Variants in P3H2 observed in about 807,000 individuals in gnomAD.
P3H2 encodes the protein leprecan-like 1.
A neutral mutation model predicts 87.0 loss-of-function variants in P3H2; 80 were observed. The observed-to-expected ratio is 0.92, with a 90% CI of 0.77 to 1.11. The LOEUF is 1.11. Ranked by LOEUF, P3H2 falls within the 50% of genes least tolerant of loss-of-function variation. The pLI is 0.00. For synonymous variants in P3H2, 367 were observed against 359.3 expected, an observed-to-expected ratio of 1.02 and a Z score of -0.24; for missense variants, 1,001 against 923.9, an observed-to-expected ratio of 1.08 and a Z score of -1.08.
chr3:190,027,021 G>A (rs1299175403), intron 1 of P3H2, among the ~76,000 whole-genome samples: 1 of 152,142 alleles, frequency 6.6e-6, no homozygotes, highest in Non-Finnish European at 1.5e-5. Flanking sequence ...CACTGTTTTA[G>A]GTGATTTCGA....
At chr3:189,990,398 C>T (rs1408383645) in intron 3 of P3H2, among the ~76,000 whole-genome samples, 1 of 152,046 alleles carries the variant, frequency 6.6e-6, no homozygotes, top group African/African-American at 2.4e-5. Context: ...TTACCATTTG[C>T]ATTTCTATTT....
At chr3:190,118,073 C>A (rs1485781866) in intron 1 of P3H2, among the ~76,000 whole-genome samples, 1 of 152,106 alleles carries the variant, frequency 6.6e-6, no homozygotes, top group Non-Finnish European at 1.5e-5. Flanking sequence ...AATCAATTCA[C>A]CACAAAAATT....
chr3:190,085,908 TC>T (rs1727196804), intron 1 of P3H2, among the ~76,000 whole-genome samples: 2 of 152,136 alleles, frequency 1.3e-5, no homozygotes, highest in Non-Finnish European at 2.9e-5. Flanking sequence ...ATGGTCTAAT[TC>T]TTGAATTTTT....
intron 1 of P3H2, among the ~76,000 whole-genome samples, chr3:190,098,779 G>C (rs767028840): frequency 6.6e-6 from 1 of 152,106 alleles, no homozygotes; most frequent in African/African-American, 2.4e-5. Context: ...TTTGATTTAG[G>C]TGTATTTCGC....
intron 1 of P3H2, among the ~76,000 whole-genome samples, chr3:190,007,965 C>CACACACATATATATATATATATAT: frequency 1.6e-3 from 152 of 94,318 alleles, no homozygotes; most frequent in African/African-American, 4.2e-3. Context: ...TGTTGACACA[C>CACACACATATATATATATATATAT]ATATATATAT....
At position 190,021,028 on chromosome 3, in the gene P3H2, G is replaced by A. The variant is rs1431663281; in HGVS notation, c.481-25586C>T. Among the ~76,000 whole-genome samples the A allele has an allele frequency of 3.7e-5, 5 of 134,126 alleles. 1 individual carries two copies. The highest frequency in any genetic ancestry group is 1.3e-4 in the African/African-American group (5 of 38,860). The allele number at this position is 134,126 out of a possible 152,430, so 88.0% of individuals were successfully genotyped here. On this transcript the variant is annotated intron_variant, in intron 1 of 14. Coordinates refer to ENST00000319332, the MANE Select transcript of P3H2 (RefSeq NM_018192.4). ...TTTTCAAAGTCACTTGGAAAAATCT[G>A]AGACCCCAGGACCCTAAGTAACCAT...
At chr3:190,024,497 A>G (rs1256556971) in intron 1 of P3H2, among the ~76,000 whole-genome samples, 1 of 136,180 alleles carries the variant, frequency 7.3e-6, no homozygotes, top group Non-Finnish European at 1.5e-5. Flanking sequence ...GAGCCAAGAT[A>G]TTGCCACTGG....
intron 8 of P3H2, among the ~76,000 whole-genome samples, chr3:189,981,725 C>G (rs1382435591): frequency 6.6e-6 from 1 of 152,202 alleles, no homozygotes; most frequent in African/African-American, 2.4e-5. Flanking sequence ...TGAAATTTGG[C>G]AACTGTCCTG....
At chr3:190,019,123 C>T (rs1018405901) in intron 1 of P3H2, among the ~76,000 whole-genome samples, 1 of 152,162 alleles carries the variant, frequency 6.6e-6, no homozygotes, top group African/African-American at 2.4e-5. Flanking sequence ...AGATTCAATG[C>T]AGTCACTTTT....
chr3:189,970,886 A>C lies in P3H2; in HGVS notation c.1823T>G (p.Leu608Arg). ...PAYTFRDYSALLYMNDDFEGG... is the reference protein window; with the variant it reads ...PAYTFRDYSARLYMNDDFEGG... ...TTCAAAGTCATCATTCATATATAGG[A>C]GAGCACTATAAGAATGAAGAGAAAA... Residue 608 changes from leucine to arginine, a missense_variant, in exon 13 of 15, where the codon CTC (leucine) becomes CGC (arginine). Coordinates refer to ENST00000319332, the MANE Select transcript of P3H2 (RefSeq NM_018192.4). The C allele has an allele frequency of 1.9e-6, 3 of 1,538,556 alleles. No homozygotes were observed. Among genetic ancestry groups the C allele is most frequent in the Non-Finnish European group, 2.7e-6 (3 of 1,111,260 alleles).
intron 1 of P3H2, among the ~76,000 whole-genome samples, chr3:190,030,728 A>T (rs533471754): frequency 8.4e-4 from 128 of 152,338 alleles, no homozygotes; most frequent in African/African-American, 3.1e-3. Flanking sequence ...TATAATAACT[A>T]AAATAATCTG....
chr3:190,008,954 T>C (rs1226667533), intron 1 of P3H2, among the ~76,000 whole-genome samples: 5 of 152,046 alleles, frequency 3.3e-5, no homozygotes, highest in Non-Finnish European at 5.9e-5. Context: ...TCTATAAGTA[T>C]TCAAAGTAGG....
In P3H2 at chr3:190,040,205, C is replaced by G. The variant is rs76504029; in HGVS notation, c.481-44763G>C. 7.1e-3 allele frequency among the ~76,000 whole-genome samples: 1,077 copies of G among 152,274 alleles called. 20 individuals carry two copies. The highest frequency in any genetic ancestry group is 0.025 in the African/African-American group (1,030 of 41,552). On this transcript the variant is annotated intron_variant, in intron 1 of 14. Coordinates refer to ENST00000319332, the MANE Select transcript of P3H2 (RefSeq NM_018192.4). ...GACCATCAGTTACAGAACAACTGCA[C>G]ATTTGGCTGCATAGATTCCAGGGGA...
chr3:190,082,052 T>C (rs1014330035), intron 1 of P3H2, among the ~76,000 whole-genome samples: 1 of 152,110 alleles, frequency 6.6e-6, no homozygotes, highest in African/African-American at 2.4e-5. Context: ...TCAGGAGTTT[T>C]CGTGACCAGT....
intron 1 of P3H2, among the ~76,000 whole-genome samples, chr3:190,065,612 TTA>T (rs1433265412): frequency 6.6e-6 from 1 of 152,166 alleles, no homozygotes; most frequent in Non-Finnish European, 1.5e-5. Flanking sequence ...AGTCAAAGTC[TTA>T]GTCAATACAG....
Position 190,012,008 on chromosome 3 carries a change from T to C in P3H2, c.481-16566A>G, listed in dbSNP as rs538515135. Among the ~76,000 whole-genome samples the C allele has an allele frequency of 3.3e-5, 5 of 152,274 alleles. No individual in the cohort carries two copies. In the South Asian group the frequency reaches 1.0e-3, roughly 32 times the overall value. On this transcript the variant is annotated intron_variant, in intron 1 of 14. Transcript: ENST00000319332. ...TTTAAAAACAAACATATGTGTGGTA[T>C]ATGAAGAAACAGGAATGGAAGTAGA...
In P3H2 at chr3:189,974,008, G is replaced by C. The variant is rs756858326; in HGVS notation, c.1453-4C>G. On this transcript the variant is annotated splice_polypyrimidine_tract_variant and splice_region_variant and intron_variant, in intron 9 of 14. Coordinates refer to ENST00000319332, the MANE Select transcript of P3H2 (RefSeq NM_018192.4). ...CATCACCAACAAGCATGATTCCCTG[G>C]AAGCAAATACAAGAAGATACGTCAT... 3 of 1,608,448 alleles carry C rather than the reference G, an allele frequency of 1.9e-6. No homozygotes were observed. In the African/African-American group the frequency reaches 4.0e-5, roughly 22 times the overall value.
chr3:190,025,133 G>C (rs1725048515), intron 1 of P3H2, among the ~76,000 whole-genome samples: 2 of 152,004 alleles, frequency 1.3e-5, no homozygotes, highest in Non-Finnish European at 2.9e-5. Context: ...CCTGCTTAAT[G>C]AATCATTTCC....
chr3:189,959,193 G>A (rs1396612187), intron 14 of P3H2, among the ~76,000 whole-genome samples: 1 of 148,108 alleles, frequency 6.8e-6, no homozygotes, highest in Non-Finnish European at 1.5e-5. Context: ...TACTTTTCTT[G>A]GTGTGCTTAT....
Sources: gnomAD v4.1 joint callset for allele counts (sites outside exome capture counted in the v4.1 genomes callset) on GRCh38, gnomAD v4.1.1 for gene constraint, MANE v1.5 for transcripts, NCBI Gene and HGNC (gene_info 2026-07-23, HGNC 2026-07-21) for gene names.